Variants in PCDH15 observed in about 807,000 individuals in gnomAD.
The protein encoded by PCDH15 is protocadherin-15.
A neutral mutation model predicts 178.5 loss-of-function variants in PCDH15; 129 were observed. That is an observed-to-expected ratio of 0.72 (90% CI 0.63 to 0.84). The LOEUF is 0.84. Among genes scored for constraint, PCDH15 ranks in the 40% least tolerant of loss-of-function variants. The probability of loss-of-function intolerance (pLI) is 0.00; values close to 1 mark genes in which losing one functional copy is unlikely to be tolerated. For synonymous variants in PCDH15, 800 were observed against 732.0 expected, an observed-to-expected ratio of 1.09 and a Z score of -1.50; for missense variants, 2,230 against 2,099.9, an observed-to-expected ratio of 1.06 and a Z score of -1.21.
At chr10:54,932,026 T>A (rs527888721) in intron 2 of PCDH15, among the ~76,000 whole-genome samples, 1 of 152,330 alleles carries the variant, frequency 6.6e-6, no homozygotes, top group East Asian at 1.9e-4. Context: ...CGATGAACCA[T>A]ATATGCTACA....
chr10:54,271,609 T>A (rs1165042705), intron 8 of PCDH15, among the ~76,000 whole-genome samples: 1 of 152,170 alleles, frequency 6.6e-6, no homozygotes, highest in East Asian at 1.9e-4. Flanking sequence ...TTTGTTTTCA[T>A]TCAGGTTGGA....
At chr10:53,889,415 G>T (rs2081401174) in intron 26 of PCDH15, among the ~76,000 whole-genome samples, 1 of 151,866 alleles carries the variant, frequency 6.6e-6, no homozygotes, top group South Asian at 2.1e-4. Flanking sequence ...GACCAAAATA[G>T]TCGCCACATA....
At chr10:54,873,318 A>G (rs1564590568) in intron 3 of PCDH15, among the ~76,000 whole-genome samples, 1 of 151,978 alleles carries the variant, frequency 6.6e-6, no homozygotes, top group Non-Finnish European at 1.5e-5. Flanking sequence ...CTAAATAAGG[A>G]TTACCTTGTG....
chr10:53,925,641 T>C (rs903157445), intron 25 of PCDH15, among the ~76,000 whole-genome samples: 6 of 152,220 alleles, frequency 3.9e-5, no homozygotes, highest in Non-Finnish European at 8.8e-5. Context: ...ACAGGGAATC[T>C]CCTATCATTA....
chr10:54,478,079 G>A (rs757679631), intron 3 of PCDH15, among the ~76,000 whole-genome samples: 34 of 151,762 alleles, frequency 2.2e-4, no homozygotes, highest in Non-Finnish European at 3.5e-4. Flanking sequence ...ATATCTAGTC[G>A]CCCTAATAAT....
At chr10:55,433,682 T>G (rs1350559232) in intron 2 of PCDH15, among the ~76,000 whole-genome samples, 1 of 128,118 alleles carries the variant, frequency 7.8e-6, no homozygotes, top group Non-Finnish European at 1.7e-5. Context: ...ATCATTCATT[T>G]TTATGATTTA....
chr10:54,384,449 C>T (rs1178410951), intron 3 of PCDH15, among the ~76,000 whole-genome samples: 1 of 151,544 alleles, frequency 6.6e-6, no homozygotes, highest in African/African-American at 2.4e-5. Flanking sequence ...TTTTTGACTG[C>T]GATTTTAAAC....
At chr10:55,431,210 A>G (rs559392857) in intron 2 of PCDH15, among the ~76,000 whole-genome samples, 1 of 152,334 alleles carries the variant, frequency 6.6e-6, no homozygotes, top group East Asian at 1.9e-4. Context: ...AAAAATTAAA[A>G]TGATGAATTT....
At chr10:54,540,565 A>C (rs1273403364) in intron 2 of PCDH15, among the ~76,000 whole-genome samples, 1 of 152,150 alleles carries the variant, frequency 6.6e-6, no homozygotes, top group Admixed American at 6.5e-5. Flanking sequence ...TCACAGCCGA[A>C]TTCTACCAGA....
At chr10:54,000,089 A>G (rs993350788) in intron 20 of PCDH15, among the ~76,000 whole-genome samples, 1 of 152,206 alleles carries the variant, frequency 6.6e-6, no homozygotes, top group African/African-American at 2.4e-5. Flanking sequence ...ATCCAAGACC[A>G]TTAAGGTAGT....
intron 3 of PCDH15, among the ~76,000 whole-genome samples, chr10:54,890,940 TA>T (rs1954449789): frequency 6.6e-6 from 1 of 152,006 alleles, no homozygotes; most frequent in African/African-American, 2.4e-5. Flanking sequence ...ATTGTACATA[TA>T]CATAATATAA....
At chr10:54,095,455 A>AT (rs1488805396) in intron 15 of PCDH15, among the ~76,000 whole-genome samples, 10 of 151,924 alleles carry the variant, frequency 6.6e-5, no homozygotes, top group Admixed American at 4.6e-4. Context: ...GAATATACAT[A>AT]TAACATATAT....
At chr10:55,076,604 C>T (rs1011632986) in intron 2 of PCDH15, among the ~76,000 whole-genome samples, 5 of 151,282 alleles carry the variant, frequency 3.3e-5, no homozygotes, top group Admixed American at 6.6e-5. Context: ...ACCACCATGG[C>T]GGCTAATTAT....
intron 21 of PCDH15, among the ~76,000 whole-genome samples, chr10:53,983,992 T>C (rs1384715402): frequency 6.6e-6 from 1 of 152,084 alleles, no homozygotes; most frequent in East Asian, 1.9e-4. Context: ...TTTTGTTACG[T>C]GACTTTATCT....
chr10:54,639,766 A>G (rs2134918311), intron 2 of PCDH15, among the ~76,000 whole-genome samples: 1 of 152,292 alleles, frequency 6.6e-6, no homozygotes, highest in East Asian at 1.9e-4. Context: ...ATTAATGTTG[A>G]TGATTCTGAG....
chr10:54,795,796 ACTTGACCTCTGATGC>A (rs1004721668), intron 1 of PCDH15, among the ~76,000 whole-genome samples: 168 of 152,020 alleles, frequency 1.1e-3, no homozygotes, highest in African/African-American at 3.9e-3. Flanking sequence ...CAAGGATTTA[ACTTGACCTCTGATGC>A]CTTGACCTCT....
At chr10:53,914,570 C>G (rs2133813556) in intron 25 of PCDH15, among the ~76,000 whole-genome samples, 1 of 152,184 alleles carries the variant, frequency 6.6e-6, no homozygotes, top group East Asian at 1.9e-4. Context: ...ACAATGAGAA[C>G]ACTTGGACAC....
intron 21 of PCDH15, among the ~76,000 whole-genome samples, chr10:53,967,080 C>A (rs546274724): frequency 6.6e-6 from 1 of 152,208 alleles, no homozygotes; most frequent in South Asian, 2.1e-4. Context: ...TTCTCATAAT[C>A]CCCACATGCT....
At chr10:53,836,181 G>A (rs1326102551) in intron 29 of PCDH15, among the ~76,000 whole-genome samples, 2 of 152,128 alleles carry the variant, frequency 1.3e-5, no homozygotes, top group East Asian at 3.9e-4. Context: ...GTCTACTATG[G>A]ATTGAGAAGG....
Sources: allele counts gnomAD v4.1 joint callset (sites outside exome capture counted in the v4.1 genomes callset), GRCh38; gene constraint gnomAD v4.1.1; transcripts MANE v1.5; gene names NCBI Gene and HGNC (gene_info 2026-07-23, HGNC 2026-07-21).